The following AGAP3 variants were observed in gnomAD, a reference collection of about 807,000 sequenced individuals.
AGAP3 encodes ArfGAP with GTPase domain, ankyrin repeat and PH domain 3, also known as arf-GAP with GTPase, ANK repeat and PH domain-containing protein 3.
A neutral mutation model predicts 96.9 loss-of-function variants in AGAP3; 24 were observed. The ratio of observed to expected loss-of-function variants is 0.25; its 90% CI spans 0.18 to 0.35. AGAP3 has a LOEUF of 0.35. Among genes scored for constraint, AGAP3 ranks in the 10% least tolerant of loss-of-function variants. AGAP3 has a pLI of 1.00. For missense variants in AGAP3, 876 were observed against 1,254.2 expected (o/e 0.70, Z 4.55); for synonymous variants, 563 against 536.1 (o/e 1.05, Z -0.69).
chr7:151,102,791 T>C (rs1433591654), intron 1 of AGAP3, among the ~76,000 whole-genome samples: 1 of 152,004 alleles, frequency 6.6e-6, no homozygotes, highest in African/African-American at 2.4e-5. Context: ...AATTTTTCTA[T>C]TTTTAGTAGA....
intron 1 of AGAP3, among the ~76,000 whole-genome samples, chr7:151,100,925 G>A (rs1022228029): frequency 1.2e-4 from 18 of 152,198 alleles, no homozygotes; most frequent in Admixed American, 1.0e-3. Context: ...CTGCCTGGCC[G>A]ACTCTGCTCT....
At position 151,134,366 on chromosome 7, in the gene AGAP3, C is replaced by T. The variant is rs368311779; in HGVS notation, c.1327-34C>T. On this transcript the variant is annotated intron_variant, in intron 10 of 17. Coordinates refer to ENST00000397238, the MANE Select transcript of AGAP3 (RefSeq NM_031946.7). ...CAACGCTGGAGTGACTGCTGCTAACCAGTCTTCATCTGTCTCTCCCACCCG... is the reference window on the plus strand; with the variant it reads ...CAACGCTGGAGTGACTGCTGCTAACTAGTCTTCATCTGTCTCTCCCACCCG... 32 of 1,609,746 alleles carry T rather than the reference C, an allele frequency of 2.0e-5. No homozygotes were observed. The East Asian group carries it at 2.0e-4, about 10-fold the overall frequency.
At chr7:151,087,911 C>T (rs1798225387) in intron 1 of AGAP3, among the ~76,000 whole-genome samples, 1 of 152,268 alleles carries the variant, frequency 6.6e-6, no homozygotes, top group South Asian at 2.1e-4. Flanking sequence ...GCTGGAGGCA[C>T]CCGCAGGCAC....
intron 1 of AGAP3, 71 bp downstream of exon 1, chr7:151,087,143 G>T: frequency 1.4e-6 from 2 of 1,473,082 alleles, no homozygotes; most frequent in South Asian, 2.4e-5. Context: ...GGCTCCACAG[G>T]CCGTGCCTGG....
chr7:151,141,790 G>A lies in AGAP3; in HGVS notation c.1805-108G>A. 6 of 1,443,544 alleles carry A rather than the reference G, an allele frequency of 4.2e-6. No individual in the cohort carries two copies. Among genetic ancestry groups the A allele is most frequent in the Non-Finnish European group, 5.8e-6 (6 of 1,032,298 alleles). The allele number at this position is 1,443,544 out of a possible 1,614,324, so 89.4% of individuals were successfully genotyped here. A position where few individuals can be genotyped will look rare whatever the true frequency, so the allele number is the denominator to read the frequency against. ...CTTGCAGCTGGGGAAGGGTCTAGGG[G>A]AGGACACTTGCCAGTGGAGCAGGGT... is the stretch of plus-strand genomic sequence containing the variant. On this transcript the variant is annotated intron_variant, in intron 13 of 17. Transcript: ENST00000397238. This position sits in a 1 kb window ranked among gnomAD's most constrained non-coding sequence, Gnocchi z 4.2.
intron 11 of AGAP3, among the ~76,000 whole-genome samples, chr7:151,135,405 A>G (rs1800553876): frequency 1.3e-5 from 2 of 152,158 alleles, no homozygotes; most frequent in Non-Finnish European, 2.9e-5. Flanking sequence ...TCACCTCCCT[A>G]GAGGGCCTGT....
intron 1 of AGAP3, among the ~76,000 whole-genome samples, chr7:151,087,547 C>T (rs908290306): frequency 4.6e-5 from 7 of 152,218 alleles, no homozygotes; most frequent in East Asian, 1.9e-4. Flanking sequence ...GGCGCCCTCT[C>T]CCGACGCACA....
chr7:151,127,678 G>A (rs1312817283), intron 9 of AGAP3, among the ~76,000 whole-genome samples: 1 of 152,186 alleles, frequency 6.6e-6, no homozygotes, highest in African/African-American at 2.4e-5. Flanking sequence ...TGCCTTGTGT[G>A]TGTTGTTTAA....
chr7:151,143,768 G>A lies in AGAP3; in HGVS notation c.2561G>A (p.Arg854Gln), dbSNP rs776916677. The part of the protein sequence containing the change: ...YGVDVRSRDA[R>Q]GLTPLAYARR... ...GTGGACGTGAGGAGCCGGGACGCCC[G>A]GGGCCTGACTCCACTGGCATATGCT... Residue 854 changes from arginine (R) to glutamine (Q), a missense_variant, in exon 18 of 18, where the codon CGG (arginine) becomes CAG (glutamine). By Grantham distance (43) the Arg-to-Gln change is conservative. This residue lies in a region of AGAP3 where 213 missense variants were observed against 253.8 expected (regional missense o/e 0.84). Transcript: ENST00000397238. This position sits in a 1 kb window ranked among gnomAD's most constrained non-coding sequence, Gnocchi z 5.9. 33 of 1,614,004 alleles carry A rather than the reference G, an allele frequency of 2.0e-5. No individual in the cohort carries two copies. Among genetic ancestry groups the A allele is most frequent in the African/African-American group, 1.9e-4 (14 of 74,940 alleles).
intron 1 of AGAP3, chr7:151,112,073 C>A (rs1799313422): frequency 6.6e-6 from 1 of 152,236 alleles, no homozygotes; most frequent in South Asian, 2.1e-4. Flanking sequence ...TGACCCTGGG[C>A]TGACCCAATG....
At chr7:151,117,869 C>G in intron 5 of AGAP3, 92 bp downstream of exon 5, 1 of 1,459,272 alleles carries the variant, frequency 6.9e-7, no homozygotes, top group Non-Finnish European at 9.1e-7. Context: ...AGAAAGCCCC[C>G]AAGCCCCTAC....
rs1210436312 is a variant in AGAP3 at position 151,108,340 on chromosome 7, C to A, written c.332-8453C>A. Among the ~76,000 whole-genome samples the A allele has an allele frequency of 6.6e-6, 1 of 152,154 alleles. No homozygotes were observed. The highest frequency in any genetic ancestry group is 1.5e-5 in the Non-Finnish European group (1 of 68,018). ...CGGCCTGGTGTCGAAAGGCCATTTT[C>A]GGCTGGAATGACAGCCACTCCCACC... is the stretch of plus-strand genomic sequence containing the variant. On this transcript the variant is annotated intron_variant, in intron 1 of 17. Coordinates refer to ENST00000397238, the MANE Select transcript of AGAP3 (RefSeq NM_031946.7). This position sits in a 1 kb window ranked among gnomAD's most constrained non-coding sequence, Gnocchi z 4.2.
In AGAP3 at chr7:151,142,087, C is replaced by T. The variant is rs1343064844; in HGVS notation, c.1959+35C>T. ...GAGTGACTGGGCCCACACAGAGCAC[C>T]TGGCTGGGGTGGGACTGAAAGGGGC... On this transcript the variant is annotated intron_variant, in intron 14 of 17. Transcript: ENST00000397238. This position sits in a 1 kb window ranked among gnomAD's most constrained non-coding sequence, Gnocchi z 7.5. 2 of 1,607,772 alleles carry T rather than the reference C, an allele frequency of 1.2e-6. No homozygotes were observed. The highest frequency in any genetic ancestry group is 1.7e-5 in the Admixed American group (1 of 59,806).
At chr7:151,123,102 G>T in intron 8 of AGAP3, 1 of 1,146,108 alleles carries the variant, frequency 8.7e-7, no homozygotes, top group Non-Finnish European at 1.1e-6. Context: ...AAGCCCGCCC[G>T]GCCCGGCTGC....
rs991232182 is a variant in AGAP3 at position 151,115,173 on chromosome 7, C to T, written c.332-1620C>T. 1.4e-4 allele frequency: 138 copies of T among 1,017,020 alleles called. No individual in the cohort carries two copies. The African/African-American group carries it at 1.9e-3, about 14-fold the overall frequency. 63.0% of individuals were successfully genotyped at this position (1,017,020 alleles called of 1,614,324 possible). On this transcript the variant is annotated intron_variant, in intron 1 of 17. Coordinates refer to ENST00000397238, the MANE Select transcript of AGAP3 (RefSeq NM_031946.7). ...CATGACTTTCCTGGAGGTGAACCGC[C>T]TGGAGCTGGCGGCCGCCGAGGCGCC...
rs943952318 is a variant in AGAP3 at position 151,141,073 on chromosome 7, G to C, written c.1805-825G>C. 6.6e-6 allele frequency: 1 copy of C among 152,140 alleles called. No homozygotes were observed. Among genetic ancestry groups the C allele is most frequent in the Non-Finnish European group, 1.5e-5 (1 of 68,032 alleles). 9.4% of individuals were successfully genotyped at this position (152,140 alleles called of 1,614,324 possible). ...GCAGAGATGGCCTTGGCAGAACTGG[G>C]GTTCACCCTGGGGCCTTACCACAGG... On this transcript the variant is annotated intron_variant, in intron 13 of 17. Coordinates refer to ENST00000397238, the MANE Select transcript of AGAP3 (RefSeq NM_031946.7). The surrounding 1 kb of genome is among the most constrained non-coding windows in gnomAD (Gnocchi z 4.2).
Position 151,141,861 on chromosome 7 carries a change from G to T in AGAP3, c.1805-37G>T. On this transcript the variant is annotated intron_variant, in intron 13 of 17. Transcript: ENST00000397238. The surrounding 1 kb of genome is among the most constrained non-coding windows in gnomAD (Gnocchi z 4.2). ...TAGCATGCCCTGGGTGTGCACGCAG[G>T]CCAGGAGCCCTGATGGCATAAACAC... is the stretch of plus-strand genomic sequence containing the variant. 2 of 1,614,034 alleles carry T rather than the reference G, an allele frequency of 1.2e-6. No homozygotes were observed. Among genetic ancestry groups the T allele is most frequent in the Non-Finnish European group, 8.5e-7 (1 of 1,179,966 alleles).
intron 1 of AGAP3, chr7:151,115,311 C>T: frequency 2.0e-6 from 2 of 1,007,202 alleles, no homozygotes; most frequent in Non-Finnish European, 2.4e-6. Flanking sequence ...GGGGCCCCGG[C>T]GCGGCCTGGC....
At position 151,086,693 on chromosome 7, in the gene AGAP3, CT is replaced by C; in HGVS notation, c.-48del. ...CTGCCGCCGCCGCCGCCGCCGCCGCCTCCGCCGCGCCGCCCCGGGCCCGCCT... is the reference window on the plus strand; with the variant it reads ...CTGCCGCCGCCGCCGCCGCCGCCGCCCCGCCGCGCCGCCCCGGGCCCGCCT... On this transcript the variant is annotated 5_prime_UTR_variant, in exon 1 of 18. Coordinates refer to ENST00000397238, the MANE Select transcript of AGAP3 (RefSeq NM_031946.7). 7.5e-6 allele frequency: 2 copies of C among 266,932 alleles called. No individual in the cohort carries two copies. The highest frequency in any genetic ancestry group is 1.1e-5 in the Non-Finnish European group (2 of 179,832). 16.5% of individuals were successfully genotyped at this position (266,932 alleles called of 1,614,324 possible). A position where few individuals can be genotyped will look rare whatever the true frequency, so the allele number is the denominator to read the frequency against.
Sources: gnomAD v4.1 joint callset for allele counts (sites outside exome capture counted in the v4.1 genomes callset) on GRCh38, gnomAD v4.1.1 for gene constraint, gnomAD v4.1.1 regional missense constraint, Gnocchi (gnomAD v3.1) non-coding constraint, MANE v1.5 for transcripts, NCBI Gene and HGNC (gene_info 2026-07-23, HGNC 2026-07-21) for gene names.